The following ZBTB20 variants were observed in gnomAD, a reference collection of about 807,000 sequenced individuals.
The protein encoded by ZBTB20 is zinc finger and BTB domain-containing protein 20.
Under a neutral mutation model 56.9 loss-of-function variants are expected in ZBTB20, and 9 were observed. The ratio of observed to expected loss-of-function variants is 0.16; its 90% confidence interval spans 0.10 to 0.28. The LOEUF is 0.28. ZBTB20 is among the 10% of genes least tolerant of loss of function. The pLI, the probability that ZBTB20 is intolerant of heterozygous loss-of-function variation, is 1.00. For missense variants in ZBTB20, 655 were observed against 1,003.0 expected (o/e 0.65, Z 4.69); for synonymous variants, 417 against 420.7 (o/e 0.99, Z 0.11).
chr3:115,021,983 T>C (rs1041277701), intron 2 of ZBTB20, among the ~76,000 whole-genome samples: 4 of 150,812 alleles, frequency 2.7e-5, no homozygotes, highest in Non-Finnish European at 6.0e-5. Context: ...TGAAAAATTA[T>C]TCTGAATACT....
At chr3:114,524,632 A>T (rs1249081494) in intron 6 of ZBTB20, among the ~76,000 whole-genome samples, 2 of 152,042 alleles carry the variant, frequency 1.3e-5, no homozygotes, top group African/African-American at 4.8e-5. Context: ...TACAAACTTT[A>T]ATTTCCTAGA....
rs2079017950 is a variant in ZBTB20, at chr3:114,325,047, C to A, written c.*13958G>T. ...TTTTCTCTATCATATCAGCTTCTCACCTTTGTTTGCCATGATGAAGATTAC... is the reference window on the plus strand; with the variant it reads ...TTTTCTCTATCATATCAGCTTCTCAACTTTGTTTGCCATGATGAAGATTAC... On this transcript the variant is annotated 3_prime_UTR_variant, in exon 12 of 12. Transcript: ENST00000675478. 6.6e-6 allele frequency: 1 copy of A among 152,148 alleles called. No individual in the cohort carries two copies. The highest frequency in any genetic ancestry group is 2.4e-5 in the African/African-American group (1 of 41,416). The allele number at this position is 152,148 out of a possible 1,614,324, so 9.4% of individuals were successfully genotyped here. A position where few individuals can be genotyped will look rare whatever the true frequency, so the allele number is the denominator to read the frequency against.
intron 7 of ZBTB20, among the ~76,000 whole-genome samples, chr3:114,401,807 G>A (rs1448644284): frequency 1.3e-5 from 2 of 152,024 alleles, no homozygotes; most frequent in Non-Finnish European, 2.9e-5. Context: ...CACAAAGGTA[G>A]GATTTTCTTT....
rs372378010 is a variant in ZBTB20 at position 114,327,592 on chromosome 3, A to C, written c.*11413T>G. 3 of 152,214 alleles carry C rather than the reference A, an allele frequency of 2.0e-5. No individual in the cohort carries two copies. The highest frequency in any genetic ancestry group is 1.9e-4 in the East Asian group (1 of 5,200). The allele number at this position is 152,214 out of a possible 1,614,324, so 9.4% of individuals were successfully genotyped here. ...TGTTTTCCTACTAGATGCATGCCTC[A>C]TAAAGGCTTTCAAAACTGCTATTTA... On this transcript the variant is annotated 3_prime_UTR_variant, in exon 12 of 12. Transcript: ENST00000675478.
chr3:114,863,103 C>A (rs762907808), intron 4 of ZBTB20, among the ~76,000 whole-genome samples: 37 of 151,892 alleles, frequency 2.4e-4, no homozygotes, highest in Non-Finnish European at 7.4e-5. Flanking sequence ...ACCATGTTAC[C>A]CTCCTAATTT....
chr3:114,969,194 C>T (rs1256909327), intron 3 of ZBTB20, among the ~76,000 whole-genome samples: 3 of 152,112 alleles, frequency 2.0e-5, no homozygotes, highest in Non-Finnish European at 4.4e-5. Context: ...AAGTTTCTGG[C>T]ACAGAGCTAG....
At chr3:114,939,159 C>T (rs1237580009) in intron 3 of ZBTB20, among the ~76,000 whole-genome samples, 1 of 146,110 alleles carries the variant, frequency 6.8e-6, no homozygotes, top group Admixed American at 6.6e-5. Flanking sequence ...GAGAAAGACA[C>T]TTGTATACAT....
intron 7 of ZBTB20, chr3:114,445,713 C>A (rs2091228569): frequency 6.6e-6 from 1 of 152,106 alleles, no homozygotes; most frequent in African/African-American, 2.4e-5. Flanking sequence ...ACTTGGACAG[C>A]AGCATTCACT....
chr3:114,701,830 A>G (rs1043526651), intron 5 of ZBTB20, among the ~76,000 whole-genome samples: 2 of 152,206 alleles, frequency 1.3e-5, no homozygotes, highest in African/African-American at 4.8e-5. Context: ...AATGACTCCT[A>G]AAAAGAGATT....
intron 7 of ZBTB20, among the ~76,000 whole-genome samples, chr3:114,435,178 T>C (rs2090432346): frequency 6.6e-6 from 1 of 152,140 alleles, no homozygotes; most frequent in Non-Finnish European, 1.5e-5. Flanking sequence ...TCCAGCAGCA[T>C]TTCCTTTTAT....
chr3:114,935,725 A>G (rs909920589), intron 3 of ZBTB20, among the ~76,000 whole-genome samples: 6 of 152,212 alleles, frequency 3.9e-5, no homozygotes, highest in Non-Finnish European at 8.8e-5. Flanking sequence ...TCAATCTGGC[A>G]TATAATTACT....
chr3:114,347,077 GTTTTTTTTTT>G (rs59044965), intron 11 of ZBTB20, among the ~76,000 whole-genome samples: 63 of 71,058 alleles, frequency 8.9e-4, no homozygotes, highest in Non-Finnish European at 1.2e-3. Context: ...TTCTCTTCAG[GTTTTTTTTTT>G]TTTTTTTTTT....
At chr3:114,402,089 C>T (rs2086871867) in intron 7 of ZBTB20, among the ~76,000 whole-genome samples, 1 of 152,110 alleles carries the variant, frequency 6.6e-6, no homozygotes, top group South Asian at 2.1e-4. Flanking sequence ...TGGTCTAGAA[C>T]CAGAGAAGAA....
chr3:114,913,662 T>C (rs1407496377), intron 3 of ZBTB20, among the ~76,000 whole-genome samples: 2 of 151,862 alleles, frequency 1.3e-5, no homozygotes, highest in African/African-American at 4.8e-5. Flanking sequence ...CCCAGTCAAA[T>C]GTCCTGGAAA....
chr3:114,898,958 G>C (rs894765881), intron 4 of ZBTB20, among the ~76,000 whole-genome samples: 1 of 151,894 alleles, frequency 6.6e-6, no homozygotes, highest in Non-Finnish European at 1.5e-5. Flanking sequence ...GCTTTTTATT[G>C]CATTTATAGA....
intron 6 of ZBTB20, chr3:114,529,441 A>G (rs2047591750): frequency 1.3e-5 from 2 of 152,158 alleles, no homozygotes; most frequent in Admixed American, 1.3e-4. Context: ...AACTAAGAAC[A>G]CTCCTAAAGC....
intron 7 of ZBTB20, among the ~76,000 whole-genome samples, chr3:114,457,603 C>T (rs1205760987): frequency 1.3e-5 from 2 of 152,090 alleles, no homozygotes; most frequent in Non-Finnish European, 2.9e-5. Context: ...TACTATATTT[C>T]CTGGCTCATA....
intron 10 of ZBTB20, among the ~76,000 whole-genome samples, chr3:114,376,599 C>T (rs1330365300): frequency 1.3e-5 from 2 of 152,136 alleles, no homozygotes; most frequent in East Asian, 3.8e-4. Context: ...AAAGGAAGAG[C>T]CCATTGGCCT....
intron 3 of ZBTB20, among the ~76,000 whole-genome samples, chr3:114,972,804 A>ATTAATT (rs2077940733): frequency 1.3e-5 from 2 of 152,214 alleles, no homozygotes; most frequent in East Asian, 3.9e-4. Context: ...ATCACCAAAC[A>ATTAATT]TTAATTTTAC....
Sources: allele counts gnomAD v4.1 joint callset (sites outside exome capture counted in the v4.1 genomes callset), GRCh38; gene constraint gnomAD v4.1.1; transcripts MANE v1.5; gene names NCBI Gene and HGNC (gene_info 2026-07-23, HGNC 2026-07-21).